The following TENM3 variants were observed in gnomAD, a reference collection of about 807,000 sequenced individuals.
TENM3 encodes the protein teneurin-3.
Under a neutral mutation model 255.1 loss-of-function variants are expected in TENM3, and 63 were observed. That is an observed-to-expected ratio of 0.25 (90% CI 0.20 to 0.30). The LOEUF is 0.30. Ranked by LOEUF, TENM3 falls within the 10% of genes least tolerant of loss-of-function variation. The pLI, the probability that TENM3 is intolerant of heterozygous loss-of-function variation, is 1.00. For synonymous variants in TENM3, 1,306 were observed against 1,322.3 expected, an observed-to-expected ratio of 0.99 and a Z score of 0.27; for missense variants, 2,929 against 3,461.1, an observed-to-expected ratio of 0.85 and a Z score of 3.86.
chr4:181,812,184 T>G, the TENM3 span, among the ~76,000 whole-genome samples: 14 of 152,200 alleles, frequency 9.2e-5, no homozygotes, highest in African/African-American at 3.1e-4. Flanking sequence ...GTGGCTTTCA[T>G]TAAGCTTTGA....
chr4:181,532,059 T>C, the TENM3 span, among the ~76,000 whole-genome samples: 10 of 152,138 alleles, frequency 6.6e-5, no homozygotes, highest in African/African-American at 2.2e-4. Flanking sequence ...AGCCATTATG[T>C]CTTTGAAGTA....
chr4:181,896,484 A>T, the TENM3 span, among the ~76,000 whole-genome samples: 1 of 152,206 alleles, frequency 6.6e-6, no homozygotes, highest in Admixed American at 6.5e-5. Flanking sequence ...GTATTTTGTA[A>T]TTAAAATTTA....
At chr4:182,318,583 A>G (rs1256963731) in intron 1 of TENM3, among the ~76,000 whole-genome samples, 1 of 152,180 alleles carries the variant, frequency 6.6e-6, no homozygotes, top group Non-Finnish European at 1.5e-5. Context: ...ATTCAGTCAA[A>G]TACTTTGCAG....
the TENM3 span, among the ~76,000 whole-genome samples, chr4:181,561,358 T>TGTG: frequency 6.8e-6 from 1 of 146,788 alleles, no homozygotes; most frequent in Non-Finnish European, 1.5e-5. Flanking sequence ...CTTTCTTGAG[T>TGTG]ATGAAATTGA....
the TENM3 span, among the ~76,000 whole-genome samples, chr4:181,535,891 A>G: frequency 6.6e-6 from 1 of 152,100 alleles, no homozygotes; most frequent in Non-Finnish European, 1.5e-5. Context: ...TCTGTTTCTA[A>G]TTTTTGGCTG....
intron 12 of TENM3, among the ~76,000 whole-genome samples, chr4:182,701,586 A>G (rs1050780846): frequency 2.0e-4 from 31 of 152,232 alleles, no homozygotes; most frequent in Admixed American, 7.2e-4. Flanking sequence ...ACTGCAATAC[A>G]TTGGTATAGA....
the TENM3 span, among the ~76,000 whole-genome samples, chr4:182,044,058 A>G: frequency 4.6e-5 from 7 of 152,188 alleles, no homozygotes; most frequent in South Asian, 2.1e-4. Flanking sequence ...TGAGATACAT[A>G]TTGAAGGATA....
chr4:181,799,544 C>T, the TENM3 span, among the ~76,000 whole-genome samples: 5 of 152,196 alleles, frequency 3.3e-5, no homozygotes, highest in African/African-American at 4.8e-5. Context: ...TCATTTCTTA[C>T]AATTACTGTT....
At chr4:181,466,178 T>C in the TENM3 span, among the ~76,000 whole-genome samples, 1 of 150,534 alleles carries the variant, frequency 6.6e-6, no homozygotes, top group South Asian at 2.1e-4. Flanking sequence ...AGTGTAATGG[T>C]GCGATCTCAA....
rs550441329 is a variant in TENM3 at position 182,404,953 on chromosome 4, G to A, written c.511+58024G>A. ...CAGCGCTGACTCTCTCCCTTGGAAG[G>A]CAATTGTCTTCATAAACAGTAGAGA... is the stretch of plus-strand genomic sequence containing the variant. On this transcript the variant is annotated intron_variant, in intron 3 of 27. Coordinates refer to ENST00000511685, the MANE Select transcript of TENM3 (RefSeq NM_001080477.4). 2.0e-5 allele frequency among the ~76,000 whole-genome samples: 3 copies of A among 152,270 alleles called. No homozygotes were observed. The South Asian group carries it at 6.2e-4, about 32-fold the overall frequency.
the TENM3 span, among the ~76,000 whole-genome samples, chr4:182,041,383 A>G: frequency 0.027 from 4,184 of 152,288 alleles, 108 homozygotes; most frequent in East Asian, 0.13. Flanking sequence ...GTAATGATAA[A>G]TAGCCATATA....
At chr4:182,139,249 G>A (rs1749224362), upstream of TENM3, among the ~76,000 whole-genome samples, 1 of 152,154 alleles carries the variant, frequency 6.6e-6, no homozygotes, top group Non-Finnish European at 1.5e-5. Context: ...TCACTAATAG[G>A]TACTTTAAAA....
chr4:182,674,970 G>A (rs1206293336), intron 7 of TENM3, among the ~76,000 whole-genome samples: 7 of 151,936 alleles, frequency 4.6e-5, no homozygotes, highest in Admixed American at 6.5e-5. Context: ...TCCGCCTCCC[G>A]GGTTCAAGTG....
the TENM3 span, among the ~76,000 whole-genome samples, chr4:181,474,666 C>A: frequency 6.7e-6 from 1 of 149,318 alleles, no homozygotes; most frequent in Admixed American, 6.8e-5. Context: ...ACCTGGGAGG[C>A]GGAGGTTGCA....
the TENM3 span, among the ~76,000 whole-genome samples, chr4:181,629,681 G>A: frequency 6.6e-6 from 1 of 152,178 alleles, no homozygotes; most frequent in South Asian, 2.1e-4. Flanking sequence ...TCCCAGGGAT[G>A]AAGCCCACTT....
intron 3 of TENM3, among the ~76,000 whole-genome samples, chr4:182,486,018 T>TA (rs1330225624): frequency 6.6e-6 from 1 of 152,108 alleles, no homozygotes; most frequent in African/African-American, 2.4e-5. Flanking sequence ...GCTAGGGACA[T>TA]ATGTGGTGTC....
rs1446011994 is a variant in TENM3 at position 182,743,322 on chromosome 4, C to G, written c.3532C>G (p.Leu1178Val). The G allele has an allele frequency of 6.2e-7, 1 of 1,614,030 alleles. No homozygotes were observed. The highest frequency in any genetic ancestry group is 1.3e-5 in the African/African-American group (1 of 75,056). ...DGNKLLAPVA[L>V]ACGIDGSLYV... is the part of the protein sequence containing the mutation. Reference sequence around the variant, plus strand: ...TAACAAGTTACTGGCCCCAGTGGCGCTAGCTTGTGGGATCGATGGCAGTCT... The same window carrying G: ...TAACAAGTTACTGGCCCCAGTGGCGGTAGCTTGTGGGATCGATGGCAGTCT... Residue 1178 changes from leucine (L) to valine (V), a missense_variant, in exon 19 of 28, where the codon CTA becomes GTA. Transcript: ENST00000511685.
At chr4:182,372,608 T>C (rs1338103663) in intron 3 of TENM3, among the ~76,000 whole-genome samples, 2 of 152,158 alleles carry the variant, frequency 1.3e-5, no homozygotes, top group African/African-American at 4.8e-5. Context: ...GTCCTCAAAA[T>C]TTTAGTTTAC....
At chr4:181,644,321 G>A in the TENM3 span, among the ~76,000 whole-genome samples, 1 of 151,950 alleles carries the variant, frequency 6.6e-6, no homozygotes, top group Non-Finnish European at 1.5e-5. Flanking sequence ...GAGGCGGACA[G>A]GGAGGGAAAC....
Sources: gnomAD v4.1 joint callset for allele counts (sites outside exome capture counted in the v4.1 genomes callset) on GRCh38, gnomAD v4.1.1 for gene constraint, MANE v1.5 for transcripts, NCBI Gene and HGNC (gene_info 2026-07-23, HGNC 2026-07-21) for gene names.